Variants in TPPP2 observed in about 807,000 individuals in gnomAD.
The protein encoded by TPPP2 is tubulin polymerization-promoting protein family member 2.
TPPP2 carries 8 observed loss-of-function variants against 13.0 expected under a neutral mutation model. That is an observed-to-expected ratio of 0.62 (90% CI 0.36 to 1.11). The LOEUF is 1.11. Among genes scored for constraint, TPPP2 ranks in the 50% most tolerant of loss-of-function variants. The pLI, the probability that TPPP2 is intolerant of heterozygous loss-of-function variation, is 0.02. For synonymous variants in TPPP2, 81 were observed against 81.8 expected (o/e 0.99, Z 0.05); for missense variants, 213 against 216.9 (o/e 0.98, Z 0.11).
chr14:21,033,715 G>C (rs750951970), downstream of TPPP2: 1 of 851,228 alleles, frequency 1.2e-6, no homozygotes, highest in Non-Finnish European at 2.0e-6. Context: ...AGGGGACCCT[G>C]CCTGCCTCGT....
downstream of TPPP2, among the ~76,000 whole-genome samples, chr14:21,035,169 C>T (rs372501714): frequency 4.7e-4 from 72 of 152,346 alleles, no homozygotes; most frequent in African/African-American, 1.6e-3. Flanking sequence ...CATGTGGACT[C>T]CCCACGGTCC....
chr14:21,033,183 G>C (rs934146877), downstream of TPPP2: 3 of 365,648 alleles, frequency 8.2e-6, no homozygotes, highest in South Asian at 2.1e-5. Context: ...TTGGGAGTGT[G>C]GGGGAGACAG....
chr14:21,034,505 C>G (rs892808563), downstream of TPPP2, among the ~76,000 whole-genome samples: 4 of 152,224 alleles, frequency 2.6e-5, no homozygotes, highest in Admixed American at 6.5e-5. Flanking sequence ...TGGTCCACCA[C>G]AGAATCTCAG....
At chr14:21,030,901 C>T in intron 2 of TPPP2, 111 bp from the exon 3 acceptor site, 4 of 1,512,062 alleles carry the variant, frequency 2.6e-6, no homozygotes, top group Non-Finnish European at 3.6e-6. Context: ...CTTCGAGACA[C>T]TCACTGATTG....
downstream of TPPP2, chr14:21,034,681 GA>G (rs1884500905): frequency 5.2e-6 from 1 of 192,858 alleles, no homozygotes; most frequent in East Asian, 1.3e-4. Flanking sequence ...CAGCTGGGAG[GA>G]AGGACAGGAG....
downstream of TPPP2, among the ~76,000 whole-genome samples, chr14:21,034,494 C>T (rs1335003638): frequency 6.6e-6 from 1 of 152,214 alleles, no homozygotes; most frequent in South Asian, 2.1e-4. Flanking sequence ...CCCTGCTCCC[C>T]TGGTCCACCA....
downstream of TPPP2, chr14:21,033,987 G>A (rs1884436766): frequency 3.1e-6 from 5 of 1,613,972 alleles, no homozygotes; most frequent in Admixed American, 1.7e-5. Context: ...CTGGGTGAGT[G>A]TGCAGTATTC....
At chr14:21,033,153 A>C, downstream of TPPP2, 1 of 375,620 alleles carries the variant, frequency 2.7e-6, no homozygotes, top group Middle Eastern at 4.8e-4. Flanking sequence ...GGAAAAAGGA[A>C]GGCAGGGTGA....
upstream of TPPP2, chr14:21,025,329 G>C: frequency 1.0e-6 from 1 of 980,202 alleles, no homozygotes; most frequent in Non-Finnish European, 1.2e-6. The surrounding 1 kb of genome is among the most constrained non-coding windows in gnomAD (Gnocchi z 5.1). Context: ...GGTGTGGGGA[G>C]TGCGGGGATC....
downstream of TPPP2, chr14:21,034,186 A>G (rs8007176): frequency 0.37 from 589,224 of 1,613,488 alleles, 112,261 homozygotes; most frequent in African/African-American, 0.62. Context: ...TCAATGCTTA[A>G]GGTATAGAAG....
chr14:21,030,539 C>A lies in TPPP2; in HGVS notation c.-43C>A. ...CCTCCCTCCCCCTTCTCCTTCACCC[C>A]CAAGTGTCTCCCACGACTGCCCTCC... On this transcript the variant is annotated 5_prime_UTR_variant, in exon 2 of 4. Transcript: ENST00000321760. The A allele has an allele frequency of 6.3e-7, 1 of 1,597,570 alleles. No individual in the cohort carries two copies.
At chr14:21,029,169 C>T (rs1883893500), upstream of TPPP2, 1 of 152,188 alleles carries the variant, frequency 6.6e-6, no homozygotes, top group Admixed American at 6.5e-5. Context: ...TTGCGACTGG[C>T]CTTTTAAAGC....
chr14:21,035,551 C>T (rs1884566439), downstream of TPPP2, among the ~76,000 whole-genome samples: 2 of 152,168 alleles, frequency 1.3e-5, no homozygotes, highest in South Asian at 2.1e-4. Context: ...GATTTGGGGC[C>T]TCCTCTTAGG....
At chr14:21,027,666 T>C (rs1011645434), upstream of TPPP2, among the ~76,000 whole-genome samples, 11 of 152,260 alleles carry the variant, frequency 7.2e-5, no homozygotes, top group Non-Finnish European at 1.5e-4. Flanking sequence ...TACCTACACA[T>C]GCAAGGCATA....
In TPPP2 at chr14:21,025,054, C is replaced by T; in HGVS notation, n.236+710C>T. On this transcript the variant is annotated intron_variant and non_coding_transcript_variant, in intron 1 of 1. Transcript: ENST00000533755. This position sits in a 1 kb window ranked among gnomAD's most constrained non-coding sequence, Gnocchi z 5.1. ...CTGCTGCCGCCGCGGCCGCTTCCAC[C>T]TTCACTTGCCTTTGACTCGGGCCCG... The T allele has an allele frequency of 1.0e-6, 1 of 986,112 alleles. No individual in the cohort carries two copies. Among genetic ancestry groups the T allele is most frequent in the Non-Finnish European group, 1.2e-6 (1 of 830,540 alleles). The allele number at this position is 986,112 out of a possible 1,614,324, so 61.1% of individuals were successfully genotyped here. A position where few individuals can be genotyped will look rare whatever the true frequency, so the allele number is the denominator to read the frequency against.
At chr14:21,033,067 C>T (rs1488242975), downstream of TPPP2, 1 of 448,024 alleles carries the variant, frequency 2.2e-6, no homozygotes, top group African/African-American at 2.0e-5. Context: ...AAGCAGGAAC[C>T]TCTGGGGAAT....
At chr14:21,033,614 G>A, downstream of TPPP2, 1 of 598,652 alleles carries the variant, frequency 1.7e-6, no homozygotes, top group East Asian at 2.8e-5. Context: ...GCGAAGAGGG[G>A]GTAAACAAGC....
rs372539872 is a variant in TPPP2 at position 21,030,623 on chromosome 14, G to A, written c.42G>A (p.Ala14=). 35 of 1,613,816 alleles carry A rather than the reference G, an allele frequency of 2.2e-5. No homozygotes were observed. Among genetic ancestry groups the A allele is most frequent in the South Asian group, 4.4e-5 (4 of 91,018 alleles). Residue 14 remains alanine (A), a synonymous_variant, in exon 2 of 4, where the codon GCG becomes GCA. Transcript: ENST00000321760. The part of the protein sequence containing the change: ...EAEKTFHRFA[A]FGESSSSGTE... ...AAAAAACATTCCATCGGTTTGCTGC[G>A]TTTGGAGAATCATCAAGCAGTGGCA...
rs898471929 is a variant in TPPP2, at chr14:21,024,972, G to C, written n.236+628G>C. The C allele has an allele frequency of 1.4e-5, 14 of 985,472 alleles. No individual in the cohort carries two copies. The African/African-American group carries it at 2.3e-4, about 16-fold the overall frequency. The allele number at this position is 985,472 out of a possible 1,614,324, so 61.0% of individuals were successfully genotyped here. ...GGGACGCGGATCAATCACACCGCCC[G>C]CCGGCCCGGCTGGCGCCTTCCAGGC... On this transcript the variant is annotated intron_variant and non_coding_transcript_variant, in intron 1 of 1. Transcript: ENST00000533755.
Sources: gnomAD v4.1 joint callset for allele counts (sites outside exome capture counted in the v4.1 genomes callset) on GRCh38, gnomAD v4.1.1 for gene constraint, Gnocchi (gnomAD v3.1) non-coding constraint, MANE v1.5 for transcripts, NCBI Gene and HGNC (gene_info 2026-07-23, HGNC 2026-07-21) for gene names.